The following RAB43 variants were observed in gnomAD, a reference collection of about 807,000 sequenced individuals.
RAB43 encodes the protein RAB43, member RAS oncogene family.
Under a neutral mutation model 18.8 loss-of-function variants are expected in RAB43, and 6 were observed. The ratio of observed to expected loss-of-function variants is 0.32; its 90% confidence interval spans 0.17 to 0.63. The LOEUF (loss-of-function observed/expected upper bound fraction) is 0.63, where lower values mean the gene tolerates loss of function less well. Ranked by LOEUF, RAB43 falls within the 30% of genes least tolerant of loss-of-function variation. RAB43 has a pLI of 0.79. For missense variants in RAB43, 195 were observed against 289.1 expected, an observed-to-expected ratio of 0.67 and a Z score of 2.36; for synonymous variants, 103 against 124.1, an observed-to-expected ratio of 0.83 and a Z score of 1.13.
rs1934835900 is a variant in RAB43 at position 129,107,137 on chromosome 3, G to A, written c.205-11968C>T. Reference sequence around the variant, plus strand: ...ACTTCATCCCGTGACAACCCTAGAAGGTGGGTCTCATTACTCCTTATGTCT... The same window carrying A: ...ACTTCATCCCGTGACAACCCTAGAAAGTGGGTCTCATTACTCCTTATGTCT... On this transcript the variant is annotated intron_variant, in intron 1 of 2. Coordinates refer to ENST00000315150, the MANE Select transcript of RAB43 (RefSeq NM_198490.3). This position sits in a 1 kb window ranked among gnomAD's most constrained non-coding sequence, Gnocchi z 4.2. Among the ~76,000 whole-genome samples, 2 of 152,200 alleles carry A rather than the reference G, an allele frequency of 1.3e-5. No homozygotes were observed. Among genetic ancestry groups the A allele is most frequent in the Middle Eastern group, 3.2e-3 (1 of 316 alleles).
At chr3:129,105,167 A>C (rs948290886) in intron 1 of RAB43, among the ~76,000 whole-genome samples, 3 of 152,176 alleles carry the variant, frequency 2.0e-5, no homozygotes, top group African/African-American at 7.2e-5. Flanking sequence ...AAACCAGCCA[A>C]CCACCCTTCT....
intron 1 of RAB43, among the ~76,000 whole-genome samples, chr3:129,112,277 A>C (rs1030236595): frequency 6.6e-5 from 10 of 151,818 alleles, no homozygotes; most frequent in African/African-American, 2.4e-4. Context: ...AAAAAAAAAA[A>C]GTCAAGAATA....
chr3:129,096,864 G>A (rs143837179), intron 1 of RAB43, among the ~76,000 whole-genome samples: 30 of 152,292 alleles, frequency 2.0e-4, no homozygotes, highest in African/African-American at 6.5e-4. Context: ...TGTAATTCCA[G>A]TACTTTGGGA....
chr3:129,094,681 AT>A (rs199999191), intron 2 of RAB43, among the ~76,000 whole-genome samples: 1 of 148,990 alleles, frequency 6.7e-6, no homozygotes, highest in African/African-American at 2.5e-5. Flanking sequence ...CAACCGGCTA[AT>A]TTTTTTTTAT....
chr3:129,117,593 T>C (rs991634839), intron 1 of RAB43, among the ~76,000 whole-genome samples: 4 of 152,240 alleles, frequency 2.6e-5, no homozygotes, highest in African/African-American at 7.2e-5. Context: ...TGGTTAATAA[T>C]AAACCAAACA....
chr3:129,120,172 T>C (rs1180954143), intron 1 of RAB43, among the ~76,000 whole-genome samples: 1 of 152,178 alleles, frequency 6.6e-6, no homozygotes, highest in Non-Finnish European at 1.5e-5. Flanking sequence ...ATAAAGACTG[T>C]TGACTTACTT....
intron 1 of RAB43, among the ~76,000 whole-genome samples, chr3:129,114,962 G>A (rs1935425974): frequency 6.6e-6 from 1 of 152,122 alleles, no homozygotes; most frequent in Non-Finnish European, 1.5e-5. Context: ...GAGAAACCAA[G>A]CTTCCTGACC....
Position 129,095,063 on chromosome 3 carries a change from C to A in RAB43, c.311G>T (p.Ser104Ile). 6.2e-7 allele frequency: 1 copy of A among 1,614,028 alleles called. No individual in the cohort carries two copies. Among genetic ancestry groups the A allele is most frequent in the Non-Finnish European group, 8.5e-7 (1 of 1,179,930 alleles). The stretch of plus-strand genomic sequence containing the variant: ...CCAGTGAGGCACCGACAGGAAGGAG[C>A]TCCTCTTGGTGATGTCGTAGGCAAG... Reference protein sequence around the residue: ...AILAYDITKRSSFLSVPHWIE... With the variant: ...AILAYDITKRISFLSVPHWIE... Residue 104 changes from serine (S) to isoleucine (I), a missense_variant, in exon 2 of 3, where the codon AGC becomes ATC. Transcript: ENST00000315150. The surrounding 1 kb of genome is among the most constrained non-coding windows in gnomAD (Gnocchi z 4.2).
At chr3:129,092,905 G>A (rs1933770989) in intron 2 of RAB43, among the ~76,000 whole-genome samples, 2 of 151,446 alleles carry the variant, frequency 1.3e-5, no homozygotes, top group African/African-American at 2.4e-5. Flanking sequence ...GCCATGAGCC[G>A]AGATCGCGCC....
intron 2 of RAB43, among the ~76,000 whole-genome samples, chr3:129,093,990 C>T (rs1933849608): frequency 6.6e-6 from 1 of 152,158 alleles, no homozygotes. Context: ...AACATAAGAG[C>T]TAAAGAGCTT....
chr3:129,118,860 C>T (rs1428906500), intron 1 of RAB43, among the ~76,000 whole-genome samples: 1 of 152,164 alleles, frequency 6.6e-6, no homozygotes, highest in East Asian at 1.9e-4. Context: ...CCCTGATGTG[C>T]ACTTGCTTTC....
chr3:129,121,072 C>T (rs1197107404), intron 1 of RAB43, among the ~76,000 whole-genome samples: 1 of 142,270 alleles, frequency 7.0e-6, no homozygotes, highest in Non-Finnish European at 1.6e-5. Context: ...TCCCTCGCCC[C>T]CCCCCCCCCC....
chr3:129,113,863 C>A (rs1935329874), intron 1 of RAB43, among the ~76,000 whole-genome samples: 1 of 151,930 alleles, frequency 6.6e-6, no homozygotes, highest in Non-Finnish European at 1.5e-5. Flanking sequence ...CCCGTCTCTA[C>A]TAAAAATACA....
At chr3:129,100,725 G>A (rs568243689) in intron 1 of RAB43, among the ~76,000 whole-genome samples, 58 of 152,314 alleles carry the variant, frequency 3.8e-4, no homozygotes, top group Admixed American at 3.1e-3. Flanking sequence ...ACAGGGTAGC[G>A]GTGGTACGCT....
chr3:129,119,787 A>G (rs896233071), intron 1 of RAB43, among the ~76,000 whole-genome samples: 1 of 152,222 alleles, frequency 6.6e-6, no homozygotes, highest in Non-Finnish European at 1.5e-5. Flanking sequence ...ACAGGTAAAC[A>G]GGAACCCTGC....
chr3:129,106,751 A>T (rs1219927616), intron 1 of RAB43, among the ~76,000 whole-genome samples: 2 of 151,960 alleles, frequency 1.3e-5, no homozygotes, highest in African/African-American at 4.8e-5. Context: ...ACCAGGACAG[A>T]CTCTCATGCC....
intron 1 of RAB43, among the ~76,000 whole-genome samples, chr3:129,096,023 T>C (rs937730006): frequency 4.6e-5 from 7 of 152,246 alleles, no homozygotes; most frequent in Middle Eastern, 3.4e-3. Flanking sequence ...GGGGATCGGG[T>C]GTGCCTTCTC....
chr3:129,091,749 G>A (rs900068696), intron 2 of RAB43, among the ~76,000 whole-genome samples: 57 of 151,848 alleles, frequency 3.8e-4, no homozygotes, highest in African/African-American at 1.3e-3. Context: ...CTTTTGTAAT[G>A]TGGTTATAAG....
At chr3:129,099,624 G>A (rs1342978710) in intron 1 of RAB43, among the ~76,000 whole-genome samples, 5 of 152,006 alleles carry the variant, frequency 3.3e-5, no homozygotes, top group African/African-American at 1.2e-4. Flanking sequence ...GACCTCAGGT[G>A]ATCCACTCGC....
Sources: gnomAD v4.1 joint callset for allele counts (sites outside exome capture counted in the v4.1 genomes callset) on GRCh38, gnomAD v4.1.1 for gene constraint, Gnocchi (gnomAD v3.1) non-coding constraint, MANE v1.5 for transcripts, NCBI Gene and HGNC (gene_info 2026-07-23, HGNC 2026-07-21) for gene names.